Variants in SCARA3 observed in about 807,000 individuals in gnomAD.
SCARA3 encodes the protein cellular stress response gene protein.
A neutral mutation model predicts 47.0 loss-of-function variants in SCARA3; 39 were observed. That is an observed-to-expected ratio of 0.83 (90% CI 0.64 to 1.08). SCARA3 has a LOEUF of 1.08. Ranked by LOEUF, SCARA3 falls within the 50% of genes least tolerant of loss-of-function variation. The probability of loss-of-function intolerance (pLI) is 0.00; values close to 1 mark genes in which losing one functional copy is unlikely to be tolerated. For synonymous variants in SCARA3, 356 were observed against 334.1 expected, an observed-to-expected ratio of 1.07 and a Z score of -0.71; for missense variants, 724 against 792.3, an observed-to-expected ratio of 0.91 and a Z score of 1.04.
Position 27,656,769 on chromosome 8 carries a change from G to A in SCARA3, c.227-13G>A. 4 of 1,544,888 alleles carry A rather than the reference G, an allele frequency of 2.6e-6. No homozygotes were observed. Among genetic ancestry groups the A allele is most frequent in the Non-Finnish European group, 3.6e-6 (4 of 1,116,896 alleles). Reference sequence around the variant, plus strand: ...TAGACCCTGCCCCAGCTTCTCATCTGTTTTCCCTACAGTTTTCAGAAAAGT... The same window carrying A: ...TAGACCCTGCCCCAGCTTCTCATCTATTTTCCCTACAGTTTTCAGAAAAGT... On this transcript the variant is annotated splice_polypyrimidine_tract_variant and intron_variant, in intron 3 of 5. Coordinates refer to ENST00000301904, the MANE Select transcript of SCARA3 (RefSeq NM_016240.3).
At chr8:27,687,216 G>A in the SCARA3 span, among the ~76,000 whole-genome samples, 4 of 152,120 alleles carry the variant, frequency 2.6e-5, no homozygotes, top group Admixed American at 1.3e-4. Context: ...TCTTCTCTGG[G>A]TTGCTAATTT....
At chr8:27,691,897 C>T in the SCARA3 span, among the ~76,000 whole-genome samples, 3 of 152,226 alleles carry the variant, frequency 2.0e-5, no homozygotes, top group Middle Eastern at 3.4e-3. Context: ...AATAAGACAA[C>T]GCCAGATCAT....
chr8:27,646,238 C>G (rs1480535745), intron 1 of SCARA3, among the ~76,000 whole-genome samples: 1 of 152,162 alleles, frequency 6.6e-6, no homozygotes, highest in Non-Finnish European at 1.5e-5. Context: ...TAGAGAGATC[C>G]AAGATCTTCG....
the SCARA3 span, among the ~76,000 whole-genome samples, chr8:27,704,001 G>A: frequency 6.6e-6 from 1 of 151,600 alleles, no homozygotes; most frequent in South Asian, 2.1e-4. Context: ...GATAAATAAA[G>A]GTTAAAAGTA....
intron 5 of SCARA3, among the ~76,000 whole-genome samples, chr8:27,665,900 G>C (rs1802006076): frequency 6.6e-6 from 1 of 152,208 alleles, no homozygotes; most frequent in South Asian, 2.1e-4. Flanking sequence ...CTCTTGGAAA[G>C]TACAAGAAAT....
chr8:27,709,926 T>G, the SCARA3 span, among the ~76,000 whole-genome samples: 10 of 152,082 alleles, frequency 6.6e-5, no homozygotes, highest in African/African-American at 2.2e-4. Flanking sequence ...GGTCAGCAGA[T>G]TCAGTGGTAT....
At chr8:27,652,508 G>T (rs1295648359) in intron 3 of SCARA3, among the ~76,000 whole-genome samples, 1 of 152,166 alleles carries the variant, frequency 6.6e-6, no homozygotes, top group Middle Eastern at 3.2e-3. Flanking sequence ...TCCGAGGGGG[G>T]CCCCCTGCTC....
the SCARA3 span, among the ~76,000 whole-genome samples, chr8:27,684,503 A>G: frequency 7.2e-5 from 11 of 152,116 alleles, no homozygotes; most frequent in Non-Finnish European, 1.0e-4. Context: ...TGGGTAACAT[A>G]GGGAGATCCC....
chr8:27,732,628 A>C, the SCARA3 span, among the ~76,000 whole-genome samples: 1 of 152,310 alleles, frequency 6.6e-6, no homozygotes, highest in Non-Finnish European at 1.5e-5. Context: ...ACATCTCTAA[A>C]TTTTTCTGTA....
chr8:27,717,995 A>G, the SCARA3 span, among the ~76,000 whole-genome samples: 2 of 152,168 alleles, frequency 1.3e-5, no homozygotes, highest in African/African-American at 4.8e-5. Context: ...ATTACCCCCA[A>G]ACATTTAGGG....
chr8:27,659,349 C>A lies in SCARA3; in HGVS notation c.1179C>A (p.Ala393=), dbSNP rs1351967302. ...GCACGCTGGGCTTCCACACCCATGC[C>A]GAGGAGCTCTACTACCTGAACAAGT... ...LSCTLGFHTH[A]EELYYLNKSV... The change falls in exon 5 of 6, where the codon GCC becomes GCA. Residue 393 remains alanine, a synonymous_variant. Transcript: ENST00000301904. The A allele has an allele frequency of 4.3e-6, 7 of 1,614,028 alleles. No individual in the cohort carries two copies. Among genetic ancestry groups the A allele is most frequent in the Non-Finnish European group, 8.5e-7 (1 of 1,180,026 alleles).
At chr8:27,673,897 G>A (rs543792472), downstream of SCARA3, among the ~76,000 whole-genome samples, 150 of 152,288 alleles carry the variant, frequency 9.8e-4, no homozygotes, top group African/African-American at 3.3e-3. Context: ...GGGGGAGTCT[G>A]AGGCTCAAGT....
rs1462278242 is a variant in SCARA3 at position 27,649,788 on chromosome 8, T to C, written c.94T>C (p.Cys32Arg). The C allele has an allele frequency of 5.6e-6, 9 of 1,613,956 alleles. No homozygotes were observed. Among genetic ancestry groups the C allele is most frequent in the South Asian group, 4.4e-5 (4 of 91,030 alleles). ...CGACGAGGACATGCCGACCTTCCCA[T>C]GCACCCAGAAGGGTAAGGACTCTGG... ...GDDEDMPTFPCTQKGRPGPRC... is the reference protein window; with the variant it reads ...GDDEDMPTFPRTQKGRPGPRC... The change falls in exon 2 of 6, where the codon TGC becomes CGC. Residue 32 changes from cysteine to arginine, a missense_variant. Coordinates refer to ENST00000301904, the MANE Select transcript of SCARA3 (RefSeq NM_016240.3).
the SCARA3 span, among the ~76,000 whole-genome samples, chr8:27,689,760 A>G: frequency 6.6e-6 from 1 of 152,172 alleles, no homozygotes; most frequent in Non-Finnish European, 1.5e-5. Flanking sequence ...CGGACCTAGC[A>G]GAGGATCCTG....
the SCARA3 span, among the ~76,000 whole-genome samples, chr8:27,695,586 A>G: frequency 6.6e-6 from 1 of 152,366 alleles, no homozygotes. Context: ...TAACCTAAAT[A>G]TTAGCAGACA....
At chr8:27,684,510 T>G in the SCARA3 span, among the ~76,000 whole-genome samples, 1 of 151,750 alleles carries the variant, frequency 6.6e-6, no homozygotes, top group Non-Finnish European at 1.5e-5. Context: ...CATAGGGAGA[T>G]CCCATCTCTA....
chr8:27,659,399 C>G lies in SCARA3; in HGVS notation c.1229C>G (p.Thr410Arg), dbSNP rs1801841132. 6.2e-7 allele frequency: 1 copy of G among 1,613,866 alleles called. No homozygotes were observed. The highest frequency in any genetic ancestry group is 2.2e-5 in the East Asian group (1 of 44,886). ...TCTGTCTCCATCATGCTGGGCACCA[C>G]AGACCTGCTCCGGGAGCGCTTCAGC... ...NKSVSIMLGT[T>R]DLLRERFSLL... Residue 410 changes from threonine (T) to arginine (R), a missense_variant, in exon 5 of 6, where the codon ACA (threonine) becomes AGA (arginine). Physicochemically the swap from Thr to Arg is moderately conservative, Grantham distance 71. Coordinates refer to ENST00000301904, the MANE Select transcript of SCARA3 (RefSeq NM_016240.3).
the SCARA3 span, among the ~76,000 whole-genome samples, chr8:27,684,664 C>A: frequency 2.5e-4 from 36 of 141,530 alleles, no homozygotes; most frequent in East Asian, 6.1e-4. Flanking sequence ...AAGGCTGTGT[C>A]AAAAAAAAAA....
At chr8:27,718,669 T>C in the SCARA3 span, among the ~76,000 whole-genome samples, 7 of 152,188 alleles carry the variant, frequency 4.6e-5, no homozygotes, top group African/African-American at 1.4e-4. Context: ...ATATCAGATA[T>C]GGAGATGTAG....
Sources: gnomAD v4.1 joint callset for allele counts (sites outside exome capture counted in the v4.1 genomes callset) on GRCh38, gnomAD v4.1.1 for gene constraint, MANE v1.5 for transcripts, NCBI Gene and HGNC (gene_info 2026-07-23, HGNC 2026-07-21) for gene names.